The following REC114 variants were observed in gnomAD, a reference collection of about 807,000 sequenced individuals.
The protein encoded by REC114 is meiotic recombination protein REC114.
Under a neutral mutation model 31.3 loss-of-function variants are expected in REC114, and 27 were observed. The ratio of observed to expected loss-of-function variants is 0.86; its 90% confidence interval spans 0.64 to 1.19. The LOEUF (loss-of-function observed/expected upper bound fraction) is 1.19. REC114 is among the 50% of genes most tolerant of loss of function. The pLI, the probability that REC114 is intolerant of heterozygous loss-of-function variation, is 0.00. For synonymous variants in REC114, 134 were observed against 127.7 expected (o/e 1.05, Z -0.33); for missense variants, 344 against 326.9 (o/e 1.05, Z -0.40).
At chr15:73,457,038 G>A (rs1892924105) in intron 1 of REC114, among the ~76,000 whole-genome samples, 2 of 134,056 alleles carry the variant, frequency 1.5e-5, no homozygotes, top group African/African-American at 2.8e-5. Flanking sequence ...TGGGTACAGG[G>A]TATCTTTGTA....
At chr15:73,513,153 C>A (rs1479840235) in intron 2 of REC114, among the ~76,000 whole-genome samples, 2 of 144,520 alleles carry the variant, frequency 1.4e-5, no homozygotes, top group East Asian at 2.1e-4. Context: ...TCTTTTTATT[C>A]TTTTTTCTCT....
At chr15:73,462,028 T>TTCAAGC (rs1395409706) in intron 1 of REC114, among the ~76,000 whole-genome samples, 2 of 147,466 alleles carry the variant, frequency 1.4e-5, no homozygotes, top group Non-Finnish European at 3.0e-5. Flanking sequence ...GCCGCCCGAG[T>TTCAAGC]TCAAGCGATT....
chr15:73,475,552 A>G (rs904082750), intron 2 of REC114, among the ~76,000 whole-genome samples: 5 of 152,232 alleles, frequency 3.3e-5, no homozygotes, highest in African/African-American at 4.8e-5. Flanking sequence ...TTAAAAATGT[A>G]AAACTAGAAA....
At chr15:73,462,093 G>A (rs1376409429) in intron 1 of REC114, among the ~76,000 whole-genome samples, 2 of 151,268 alleles carry the variant, frequency 1.3e-5, no homozygotes, top group Non-Finnish European at 2.9e-5. Context: ...CACCATGCCC[G>A]GCTAATTTTT....
At chr15:73,524,573 G>T (rs1434292460) in intron 2 of REC114, among the ~76,000 whole-genome samples, 1 of 152,158 alleles carries the variant, frequency 6.6e-6, no homozygotes, top group Admixed American at 6.5e-5. Flanking sequence ...CAGATGAACT[G>T]CAGACAAGAA....
At chr15:73,473,691 A>G in intron 1 of REC114, 141 bp from the exon 2 acceptor site, 1 of 571,666 alleles carries the variant, frequency 1.7e-6, no homozygotes, top group Non-Finnish European at 3.0e-6. Context: ...GAAGGGTTAC[A>G]GATTAAATGA....
intron 5 of REC114, among the ~76,000 whole-genome samples, chr15:73,558,589 T>A (rs1265203039): frequency 6.6e-6 from 1 of 152,200 alleles, no homozygotes; most frequent in Non-Finnish European, 1.5e-5. Context: ...CAAATGCAAA[T>A]TAAGACCACG....
At chr15:73,534,708 C>A (rs1296726511) in intron 2 of REC114, among the ~76,000 whole-genome samples, 5 of 151,522 alleles carry the variant, frequency 3.3e-5, no homozygotes, top group African/African-American at 1.2e-4. Context: ...GATACCAAAG[C>A]CAGGCAGAGA....
intron 2 of REC114, among the ~76,000 whole-genome samples, chr15:73,495,166 G>A (rs7161930): frequency 0.023 from 3,469 of 152,030 alleles, 149 homozygotes; most frequent in African/African-American, 0.079. Context: ...ATAATCTTTT[G>A]AAAGGGTACT....
At chr15:73,523,317 CAAA>C (rs368923371) in intron 2 of REC114, among the ~76,000 whole-genome samples, 13 of 138,602 alleles carry the variant, frequency 9.4e-5, no homozygotes, top group African/African-American at 3.4e-4. Context: ...ATTTATAGAC[CAAA>C]AAAAAAAAGG....
rs1171646913 is a variant in REC114, at chr15:73,556,330, T to A, written c.575T>A (p.Val192Glu). 2.5e-6 allele frequency: 4 copies of A among 1,613,830 alleles called. No individual in the cohort carries two copies. Among genetic ancestry groups the A allele is most frequent in the South Asian group, 1.1e-5 (1 of 91,078 alleles). The change falls in exon 5 of 6, where the codon GTG becomes GAG. Residue 192 changes from valine to glutamate, a missense_variant. Coordinates refer to ENST00000331090, the MANE Select transcript of REC114 (RefSeq NM_001042367.2). ...CACCAGCACTCAGAACAACAGCAAGTGTGTGTAACAGCGGGCACAGGCGCT... is the reference window on the plus strand; with the variant it reads ...CACCAGCACTCAGAACAACAGCAAGAGTGTGTAACAGCGGGCACAGGCGCT... ...GSHQHSEQQQ[V>E]CVTAGTGAPD...
intron 2 of REC114, among the ~76,000 whole-genome samples, chr15:73,495,508 T>TAAA (rs80177107): frequency 1.5e-5 from 2 of 130,702 alleles, no homozygotes; most frequent in African/African-American, 5.6e-5. Flanking sequence ...CTGCCAGTCT[T>TAAA]AAAAAAAAAA....
At chr15:73,488,555 C>T (rs987636418) in intron 2 of REC114, among the ~76,000 whole-genome samples, 1 of 152,202 alleles carries the variant, frequency 6.6e-6, no homozygotes, top group African/African-American at 2.4e-5. Flanking sequence ...CCTTTAAATT[C>T]TGCCTTCCTC....
At chr15:73,501,361 G>A (rs1016449446) in intron 2 of REC114, among the ~76,000 whole-genome samples, 11 of 152,078 alleles carry the variant, frequency 7.2e-5, no homozygotes, top group South Asian at 2.1e-4. Flanking sequence ...TGAAGGAAAC[G>A]TGGTAAAAAT....
chr15:73,539,098 G>T (rs1894203538), intron 2 of REC114, among the ~76,000 whole-genome samples: 1 of 151,914 alleles, frequency 6.6e-6, no homozygotes, highest in African/African-American at 2.4e-5. Flanking sequence ...GTGAGTGCCA[G>T]TTTCCTCATA....
intron 2 of REC114, among the ~76,000 whole-genome samples, chr15:73,504,008 T>G (rs1315989933): frequency 1.4e-5 from 2 of 138,376 alleles, no homozygotes; most frequent in African/African-American, 2.7e-5. Context: ...TTTTTTTTTT[T>G]TTTTTTTTTT....
chr15:73,537,200 T>C (rs1281071782), intron 2 of REC114, among the ~76,000 whole-genome samples: 1 of 152,058 alleles, frequency 6.6e-6, no homozygotes. Flanking sequence ...ACAGACACAA[T>C]GATAAATGCT....
intron 2 of REC114, among the ~76,000 whole-genome samples, chr15:73,506,075 T>A (rs376435497): frequency 3.5e-4 from 53 of 152,308 alleles, no homozygotes; most frequent in African/African-American, 1.1e-3. Flanking sequence ...TGTTTTCATA[T>A]TGATTTAGCC....
chr15:73,516,178 G>T (rs1010143413), intron 2 of REC114, among the ~76,000 whole-genome samples: 3 of 151,922 alleles, frequency 2.0e-5, no homozygotes, highest in African/African-American at 7.3e-5. Context: ...TAGAGACAGG[G>T]TTTCACCATG....
Sources: gnomAD v4.1 joint callset for allele counts (sites outside exome capture counted in the v4.1 genomes callset) on GRCh38, gnomAD v4.1.1 for gene constraint, MANE v1.5 for transcripts, NCBI Gene and HGNC (gene_info 2026-07-23, HGNC 2026-07-21) for gene names.